NRG1: variants seen among roughly 807,000 people sequenced by gnomAD.
The protein encoded by NRG1 is pro-neuregulin-1, membrane-bound isoform.
A neutral mutation model predicts 63.8 loss-of-function variants in NRG1; 18 were observed. That is an observed-to-expected ratio of 0.28 (90% CI 0.19 to 0.42). The LOEUF (loss-of-function observed/expected upper bound fraction) is 0.42, where lower values mean the gene tolerates loss of function less well. NRG1 is among the 10% of genes least tolerant of loss of function. The probability of loss-of-function intolerance (pLI) is 1.00; values close to 1 mark genes in which losing one functional copy is unlikely to be tolerated. For missense variants in NRG1, 762 were observed against 814.7 expected, an observed-to-expected ratio of 0.94 and a Z score of 0.79; for synonymous variants, 302 against 301.3, an observed-to-expected ratio of 1.00 and a Z score of -0.02.
At chr8:32,753,040 A>C (rs1285172527) in intron 7 of NRG1, among the ~76,000 whole-genome samples, 1 of 152,170 alleles carries the variant, frequency 6.6e-6, no homozygotes, top group African/African-American at 2.4e-5. Flanking sequence ...AGGTGTAGTT[A>C]AAGGTGTAGT....
chr8:32,180,086 T>C (rs1352892515), intron 1 of NRG1, among the ~76,000 whole-genome samples: 2 of 152,208 alleles, frequency 1.3e-5, no homozygotes, highest in East Asian at 3.8e-4. Context: ...TCAGTTTTTG[T>C]CAGGTAAAAA....
chr8:31,890,809 C>T (rs909023570), intron 1 of NRG1, among the ~76,000 whole-genome samples: 2 of 152,168 alleles, frequency 1.3e-5, no homozygotes, highest in Admixed American at 6.5e-5. Context: ...ACCTAATGTT[C>T]GGACAGAAAA....
intron 4 of NRG1, 58 bp downstream of exon 4, chr8:32,614,622 C>T: frequency 6.6e-7 from 1 of 1,522,188 alleles, no homozygotes; most frequent in Non-Finnish European, 9.1e-7. Context: ...TAACTGCTGG[C>T]TGCTCCTTCT....
intron 3 of NRG1, among the ~76,000 whole-genome samples, chr8:32,609,910 A>T (rs1846068671): frequency 6.6e-6 from 1 of 151,320 alleles, no homozygotes; most frequent in African/African-American, 2.4e-5. Context: ...ACCTCAAATG[A>T]TCTGCCCACT....
chr8:32,763,350 C>G lies in NRG1; in HGVS notation c.1260-398C>G, dbSNP rs766010236. Reference sequence around the variant, plus strand: ...GCTTCATTCTCTAAGACCCCTTGGCCTTTAGGAAGGTATAGTATTTAAGTA... The same window carrying G: ...GCTTCATTCTCTAAGACCCCTTGGCGTTTAGGAAGGTATAGTATTTAAGTA... On this transcript the variant is annotated intron_variant, in intron 11 of 11. Coordinates refer to ENST00000356819, the Ensembl canonical transcript of NRG1. 3 of 1,613,758 alleles carry G rather than the reference C, an allele frequency of 1.9e-6. No individual in the cohort carries two copies. The African/African-American group carries it at 4.0e-5, about 22-fold the overall frequency.
At chr8:31,772,998 T>A (rs13276892) in intron 1 of NRG1, among the ~76,000 whole-genome samples, 85,893 of 152,096 alleles carry the variant, frequency 0.56, 24,734 homozygotes, top group East Asian at 0.79. Context: ...GCAGACTTAC[T>A]GTATGATATG....
At chr8:31,729,603 G>T (rs895382261) in intron 1 of NRG1, among the ~76,000 whole-genome samples, 1 of 151,884 alleles carries the variant, frequency 6.6e-6, no homozygotes, top group African/African-American at 2.4e-5. Context: ...GAGGAAAAAG[G>T]CCCAGAAAAA....
At chr8:32,474,675 G>GT (rs1243335169) in intron 1 of NRG1, among the ~76,000 whole-genome samples, 41 of 151,040 alleles carry the variant, frequency 2.7e-4, no homozygotes, top group East Asian at 2.1e-3. Context: ...GTGTGTGTGT[G>GT]TGTTTTTTTT....
chr8:32,412,366 C>A (rs1177423420), intron 1 of NRG1, among the ~76,000 whole-genome samples: 1 of 141,132 alleles, frequency 7.1e-6, no homozygotes, highest in Non-Finnish European at 1.6e-5. Flanking sequence ...CATTCCTTGT[C>A]ATAACTCTCT....
chr8:32,291,775 C>T (rs1480350496), intron 1 of NRG1, among the ~76,000 whole-genome samples: 2 of 152,076 alleles, frequency 1.3e-5, no homozygotes, highest in African/African-American at 4.8e-5. Context: ...GAGCTCCTGA[C>T]CTCAAGTGAT....
intron 1 of NRG1, among the ~76,000 whole-genome samples, chr8:31,652,954 TCTCTCCTCTC>T (rs149262363): frequency 0.25 from 5,576 of 22,336 alleles, 883 homozygotes; most frequent in East Asian, 0.36. Flanking sequence ...CTTCCTCTCT[TCTCTCCTCTC>T]CTCTCCTCTC....
chr8:32,465,766 C>T (rs760391586), intron 1 of NRG1, among the ~76,000 whole-genome samples: 2 of 152,070 alleles, frequency 1.3e-5, no homozygotes, highest in African/African-American at 2.4e-5. Flanking sequence ...AAAAGTCCAA[C>T]ATTATGGAAA....
chr8:31,766,309 T>C (rs1295534259), intron 1 of NRG1, among the ~76,000 whole-genome samples: 1 of 152,182 alleles, frequency 6.6e-6, no homozygotes, highest in East Asian at 1.9e-4. Context: ...TGAGCTGTCG[T>C]AGATAAGTGT....
chr8:32,181,198 G>A (rs1349263452), intron 1 of NRG1, among the ~76,000 whole-genome samples: 1 of 152,138 alleles, frequency 6.6e-6, no homozygotes, highest in Non-Finnish European at 1.5e-5. Flanking sequence ...TGCTTGGGAG[G>A]ATCTCTAGAT....
intron 1 of NRG1, among the ~76,000 whole-genome samples, chr8:32,570,128 C>T (rs888213505): frequency 2.6e-5 from 4 of 151,904 alleles, no homozygotes; most frequent in African/African-American, 4.8e-5. Flanking sequence ...AGGCTGGTCT[C>T]GGACTCCTGA....
chr8:32,561,186 G>C (rs1836326252), intron 1 of NRG1, among the ~76,000 whole-genome samples: 1 of 152,168 alleles, frequency 6.6e-6, no homozygotes, highest in Non-Finnish European at 1.5e-5. Flanking sequence ...TATACTTTCA[G>C]TCTCAAGATG....
At chr8:32,260,045 C>T (rs149701910) in intron 1 of NRG1, among the ~76,000 whole-genome samples, 3 of 152,304 alleles carry the variant, frequency 2.0e-5, no homozygotes, top group South Asian at 4.1e-4. Flanking sequence ...ATGTACACTT[C>T]TCTGCCCCAA....
chr8:32,071,849 T>G (rs1441408529), intron 1 of NRG1, among the ~76,000 whole-genome samples: 6 of 152,142 alleles, frequency 3.9e-5, no homozygotes, highest in African/African-American at 1.4e-4. Flanking sequence ...CAAAGTGGTT[T>G]TGGTGATTCA....
intron 1 of NRG1, among the ~76,000 whole-genome samples, chr8:31,903,637 A>C (rs1832286593): frequency 6.6e-6 from 1 of 152,158 alleles, no homozygotes; most frequent in South Asian, 2.1e-4. Context: ...ATCTAAATTT[A>C]TACTGGCTCC....
Sources: gnomAD v4.1 joint callset for allele counts (sites outside exome capture counted in the v4.1 genomes callset) on GRCh38, gnomAD v4.1.1 for gene constraint, MANE v1.5 for transcripts, NCBI Gene and HGNC (gene_info 2026-07-23, HGNC 2026-07-21) for gene names.